TERT: variants seen among roughly 807,000 people sequenced by gnomAD.
The protein encoded by TERT is telomerase catalytic subunit.
In TERT, 42 loss-of-function variants were observed where a neutral mutation model predicts 104.0. That is an observed-to-expected ratio of 0.40 (90% CI 0.32 to 0.52). The LOEUF is 0.52. TERT is among the 20% of genes least tolerant of loss of function. The pLI is 0.43. For synonymous variants in TERT, 781 were observed against 725.6 expected (o/e 1.08, Z -1.23); for missense variants, 1,101 against 1,610.3 (o/e 0.68, Z 5.41).
chr5:1,280,400 C>T (rs796921185), intron 3 of TERT, 62 bp from the exon 4 acceptor site: 77 of 1,557,242 alleles, frequency 4.9e-5, no homozygotes, highest in African/African-American at 2.3e-4. Context: ...GGGAAGCTCA[C>T]GGGAAGCCAC....
Position 1,271,160 on chromosome 5 carries a change from G to A in TERT, c.2427C>T (p.Phe809=). 6.2e-7 allele frequency: 1 copy of A among 1,613,194 alleles called. No homozygotes were observed. The highest frequency in any genetic ancestry group is 8.5e-7 in the Non-Finnish European group (1 of 1,180,038). Reference sequence around the variant, plus strand: ...CGGCGTGGTGGCACATGAAGCGTAGGAAGACGTCGAAGAGGCCACTGCTGG... The same window carrying A: ...CGGCGTGGTGGCACATGAAGCGTAGAAAGACGTCGAAGAGGCCACTGCTGG... ...NEASSGLFDV[F]LRFMCHHAVR... Residue 809 remains phenylalanine (F), a synonymous_variant, in exon 8 of 16, where the codon TTC becomes TTT. Coordinates refer to ENST00000310581, the MANE Select transcript of TERT (RefSeq NM_198253.3).
intron 1 of TERT, 50 bp from the exon 2 acceptor site, chr5:1,294,716 G>C (rs913610863): frequency 4.4e-6 from 7 of 1,573,322 alleles, no homozygotes; most frequent in Non-Finnish European, 6.0e-6. Context: ...GCATGTCGCT[G>C]GTTCCCCCCG....
Position 1,273,742 on chromosome 5 carries a change from A to G in TERT, c.2287-1462T>C, listed in dbSNP as rs773393437. 3.2e-4 allele frequency among the ~76,000 whole-genome samples: 12 copies of G among 37,468 alleles called. 4 individuals are homozygous for G. The highest frequency in any genetic ancestry group is 1.4e-3 in the Admixed American group (4 of 2,816). 24.6% of individuals were successfully genotyped at this position (37,468 alleles called of 152,430 possible). A position where few individuals can be genotyped will look rare whatever the true frequency, so the allele number is the denominator to read the frequency against. ...CCGCCATCCACAGTCACCACATCAGACCCCACGACCGCCATCCACAGTCAC... is the reference window on the plus strand; with the variant it reads ...CCGCCATCCACAGTCACCACATCAGGCCCCACGACCGCCATCCACAGTCAC... On this transcript the variant is annotated intron_variant, in intron 6 of 15. Transcript: ENST00000310581.
intron 2 of TERT, among the ~76,000 whole-genome samples, chr5:1,291,621 C>T (rs1219016478): frequency 7.6e-6 from 1 of 131,608 alleles, no homozygotes; most frequent in African/African-American, 2.8e-5. Context: ...ACTCACCCTG[C>T]ACGGGACAGG....
chr5:1,285,694 C>T (rs1297984049), intron 2 of TERT, among the ~76,000 whole-genome samples: 1 of 150,358 alleles, frequency 6.7e-6, no homozygotes, highest in East Asian at 2.0e-4. Flanking sequence ...CTCAGCCTCC[C>T]GAGTAGCTGG....
chr5:1,291,128 G>A (rs1377937206), intron 2 of TERT, among the ~76,000 whole-genome samples: 13 of 134,504 alleles, frequency 9.7e-5, no homozygotes, highest in South Asian at 2.4e-4. Flanking sequence ...CACGTGACAG[G>A]GACACCCGGG....
At chr5:1,290,221 G>A (rs1418963498) in intron 2 of TERT, among the ~76,000 whole-genome samples, 2 of 62,156 alleles carry the variant, frequency 3.2e-5, no homozygotes, top group Non-Finnish European at 5.6e-5. Flanking sequence ...CGGGGACCGC[G>A]CCTCACTCAC....
chr5:1,289,242 AC>A (rs1750698955), intron 2 of TERT, among the ~76,000 whole-genome samples: 2 of 144,750 alleles, frequency 1.4e-5, no homozygotes, highest in Admixed American at 1.4e-4. Context: ...TGACAGGGAC[AC>A]CCGGGGATGG....
At chr5:1,291,975 C>G (rs1049348228) in intron 2 of TERT, among the ~76,000 whole-genome samples, 3 of 152,272 alleles carry the variant, frequency 2.0e-5, no homozygotes, top group East Asian at 1.9e-4. Context: ...AGGCAGCTGC[C>G]GTTCGATGGG....
Position 1,255,189 on chromosome 5 carries a change from G to A in TERT, c.3157+98C>T. On this transcript the variant is annotated intron_variant, in intron 14 of 15. Transcript: ENST00000310581. The surrounding 1 kb of genome is among the most constrained non-coding windows in gnomAD (Gnocchi z 6.9). ...TTAAACCACTTCCTGATGCGAAAAG[G>A]GGTAAGAACTTCCTAAGCCCAGATT... 1 of 1,494,324 alleles carries A rather than the reference G, an allele frequency of 6.7e-7. No individual in the cohort carries two copies. The highest frequency in any genetic ancestry group is 9.1e-7 in the Non-Finnish European group (1 of 1,094,258). 92.6% of individuals were successfully genotyped at this position (1,494,324 alleles called of 1,614,324 possible).
chr5:1,255,514 A>G lies in TERT; in HGVS notation c.3033-103T>C, dbSNP rs892326850. 9.6e-6 allele frequency: 14 copies of G among 1,464,324 alleles called. No homozygotes were observed. 90.7% of individuals were successfully genotyped at this position (1,464,324 alleles called of 1,614,324 possible). ...GGTGCCTGTGTGCGTGCATGAATGC[A>G]CATGCATGGGTTTCCTCATGGGCAC... On this transcript the variant is annotated intron_variant, in intron 13 of 15. Coordinates refer to ENST00000310581, the MANE Select transcript of TERT (RefSeq NM_198253.3). The surrounding 1 kb of genome is among the most constrained non-coding windows in gnomAD (Gnocchi z 6.9).
chr5:1,282,364 A>C (rs1034783666), intron 3 of TERT, 65 bp downstream of exon 3: 1 of 1,555,996 alleles, frequency 6.4e-7, no homozygotes, highest in Non-Finnish European at 8.9e-7. Context: ...AGACAGGCGC[A>C]TGCTGAGGCC....
At chr5:1,264,764 G>A (rs1727993384) in intron 10 of TERT, among the ~76,000 whole-genome samples, 172 bp from the exon 11 acceptor site, 1 of 152,160 alleles carries the variant, frequency 6.6e-6, no homozygotes, top group African/African-American at 2.4e-5. Context: ...CCAGACTTCG[G>A]GGTGCTTTCC....
intron 6 of TERT, among the ~76,000 whole-genome samples, chr5:1,276,214 C>G (rs1295224923): frequency 5.4e-5 from 8 of 147,978 alleles, no homozygotes. Context: ...ACATAGAAAC[C>G]AATCCCACAG....
intron 13 of TERT, 50 bp downstream of exon 13, chr5:1,258,548 G>A (rs1460310085): frequency 4.0e-6 from 6 of 1,518,668 alleles, no homozygotes; most frequent in Non-Finnish European, 5.4e-6. Context: ...GGTGAGCAGA[G>A]CGCGGAGGGT....
chr5:1,271,253 G>T, intron 7 of TERT, 49 bp from the exon 8 acceptor site: 1 of 1,376,552 alleles, frequency 7.3e-7, no homozygotes, highest in Non-Finnish European at 1.0e-6. Flanking sequence ...TGGGTGCTGA[G>T]ACAGGCAGGA....
intron 6 of TERT, among the ~76,000 whole-genome samples, chr5:1,278,222 C>T (rs752229329): frequency 6.6e-5 from 10 of 152,200 alleles, no homozygotes; most frequent in African/African-American, 2.2e-4. Context: ...CACCCGAGAG[C>T]GTGAGGACAA....
Position 1,253,673 on chromosome 5 carries a change from C to A in TERT, c.*55G>T. On this transcript the variant is annotated 3_prime_UTR_variant, in exon 16 of 16. Coordinates refer to ENST00000310581, the MANE Select transcript of TERT (RefSeq NM_198253.3). ...CCCTCCCTCCCTGGGACGTAGAGCC[C>A]GGCGTGACAGGGCTGCTGGTGTCTG... The A allele has an allele frequency of 1.3e-6, 2 of 1,494,478 alleles. No homozygotes were observed. Among genetic ancestry groups the A allele is most frequent in the Non-Finnish European group, 1.8e-6 (2 of 1,086,902 alleles). 92.6% of individuals were successfully genotyped at this position (1,494,478 alleles called of 1,614,324 possible).
rs1460117338 is a variant in TERT at position 1,262,129 on chromosome 5, C to T, written c.2844-1529G>A. On this transcript the variant is annotated intron_variant, in intron 11 of 15. Transcript: ENST00000310581. This position sits in a 1 kb window ranked among gnomAD's most constrained non-coding sequence, Gnocchi z 5.6. ...ACCAGGGAACGTTCACCTCCCTTCC[C>T]TTTGAGTCTTTTGTTTTATTTCTGT... 3.3e-5 allele frequency among the ~76,000 whole-genome samples: 5 copies of T among 152,186 alleles called. No homozygotes were observed. The highest frequency in any genetic ancestry group is 7.3e-5 in the Non-Finnish European group (5 of 68,038).
Sources: allele counts gnomAD v4.1 joint callset (sites outside exome capture counted in the v4.1 genomes callset), GRCh38; gene constraint gnomAD v4.1.1; non-coding constraint Gnocchi (gnomAD v3.1); transcripts MANE v1.5; gene names NCBI Gene and HGNC (gene_info 2026-07-23, HGNC 2026-07-21).